Variants in BANP observed in about 807,000 individuals in gnomAD.
BANP encodes the protein BTG3 associated nuclear protein.
In BANP, 11 loss-of-function variants were observed where a neutral mutation model predicts 68.1. The observed-to-expected ratio is 0.16, with a 90% confidence interval of 0.10 to 0.27. The LOEUF (loss-of-function observed/expected upper bound fraction) is 0.27, where lower values mean the gene tolerates loss of function less well. Ranked by LOEUF, BANP falls within the 10% of genes least tolerant of loss-of-function variation. The probability of loss-of-function intolerance (pLI) is 1.00; values close to 1 mark genes in which losing one functional copy is unlikely to be tolerated. For missense variants in BANP, 504 were observed against 722.7 expected (o/e 0.70, Z 3.47); for synonymous variants, 329 against 303.2 (o/e 1.09, Z -0.88).
chr16:88,058,103 CGAGGAAT>C (rs1214296745), intron 11 of BANP, among the ~76,000 whole-genome samples: 8 of 150,858 alleles, frequency 5.3e-5, no homozygotes, highest in Non-Finnish European at 1.0e-4. Flanking sequence ...TGTGTATTTA[CGAGGAAT>C]CTTTCATCTA....
intron 11 of BANP, among the ~76,000 whole-genome samples, chr16:88,063,633 C>A (rs1273874302): frequency 6.6e-6 from 1 of 152,196 alleles, no homozygotes; most frequent in African/African-American, 2.4e-5. Flanking sequence ...GATCCGATCA[C>A]AGCTGTTCTT....
intron 11 of BANP, among the ~76,000 whole-genome samples, chr16:88,058,613 G>C (rs116348988): frequency 6.6e-6 from 1 of 152,148 alleles, no homozygotes; most frequent in South Asian, 2.1e-4. Flanking sequence ...CACCACCATC[G>C]TTCTTTCCAT....
chr16:88,049,660 C>T (rs748355978), intron 11 of BANP, among the ~76,000 whole-genome samples: 3 of 152,062 alleles, frequency 2.0e-5, no homozygotes, highest in Non-Finnish European at 4.4e-5. Flanking sequence ...GAGTTAGGGG[C>T]CAGGAACCAG....
At chr16:88,060,156 C>T (rs950658858) in intron 11 of BANP, among the ~76,000 whole-genome samples, 6 of 152,274 alleles carry the variant, frequency 3.9e-5, no homozygotes, top group African/African-American at 1.4e-4. Context: ...TAGCCACCAG[C>T]ACATAGCAAC....
intron 6 of BANP, among the ~76,000 whole-genome samples, chr16:88,011,071 G>A (rs2072969196): frequency 2.0e-5 from 3 of 152,340 alleles, no homozygotes; most frequent in South Asian, 4.1e-4. Flanking sequence ...CAAGGGAAGC[G>A]GGAGACAGCA....
chr16:88,066,741 T>A (rs1027476710), intron 12 of BANP, among the ~76,000 whole-genome samples: 2 of 152,224 alleles, frequency 1.3e-5, no homozygotes, highest in Admixed American at 6.5e-5. Context: ...AGTTTTTTTT[T>A]CCCCCAGAAA....
intron 11 of BANP, 30 bp from the exon 12 acceptor site, chr16:88,065,237 G>A (rs769835310): frequency 1.4e-6 from 1 of 714,292 alleles, no homozygotes; most frequent in Non-Finnish European, 2.6e-6. Flanking sequence ...GGAGGCTCCA[G>A]GGGAAAATTC....
intron 6 of BANP, among the ~76,000 whole-genome samples, chr16:88,015,335 G>A (rs542833342): frequency 2.9e-3 from 438 of 151,444 alleles, no homozygotes; most frequent in Non-Finnish European, 4.8e-3. Flanking sequence ...CCCTCTGCCC[G>A]TCCCTCTGCC....
At chr16:88,034,068 C>T (rs1012990420) in intron 9 of BANP, among the ~76,000 whole-genome samples, 3 of 152,134 alleles carry the variant, frequency 2.0e-5, no homozygotes, top group African/African-American at 7.2e-5. Context: ...CATGGTCCTC[C>T]ACTATTGAGA....
chr16:87,994,764 G>A (rs368779659), intron 4 of BANP, among the ~76,000 whole-genome samples: 8 of 152,026 alleles, frequency 5.3e-5, no homozygotes, highest in African/African-American at 1.7e-4. Context: ...GTGAGACCCC[G>A]TGTATAAAAA....
At chr16:88,053,386 A>C (rs2083854737) in intron 11 of BANP, among the ~76,000 whole-genome samples, 1 of 151,678 alleles carries the variant, frequency 6.6e-6, no homozygotes, top group Non-Finnish European at 1.5e-5. Context: ...CACCTCCTTC[A>C]CTATCATCAC....
chr16:88,036,973 C>T lies in BANP; in HGVS notation c.1273-1000C>T, dbSNP rs1310350182. ...CCAGCAGCACCTTCCAGTGCAGGAG[C>T]TGCCTTTGAGGGGCAGGGGAAGGTT... On this transcript the variant is annotated intron_variant, in intron 10 of 13. Coordinates refer to ENST00000682872, the MANE Select transcript of BANP (RefSeq NM_001386991.1). The surrounding 1 kb of genome is among the most constrained non-coding windows in gnomAD (Gnocchi z 4.2). Among the ~76,000 whole-genome samples the T allele has an allele frequency of 1.3e-5, 2 of 152,114 alleles. No individual in the cohort carries two copies. The highest frequency in any genetic ancestry group is 2.9e-5 in the Non-Finnish European group (2 of 68,016).
rs2091680698 is a variant in BANP at position 88,076,682 on chromosome 16, A to G, written c.*21A>G. On this transcript the variant is annotated 3_prime_UTR_variant, in exon 14 of 14. Coordinates refer to ENST00000682872, the MANE Select transcript of BANP (RefSeq NM_001386991.1). ...AGTGAGCGGTGCCCATGGCACCAGG[A>G]GCCCCTCGCCGGCTCCGCCTACGGC... 2.5e-6 allele frequency: 4 copies of G among 1,599,286 alleles called. No homozygotes were observed. The highest frequency in any genetic ancestry group is 3.4e-6 in the Non-Finnish European group (4 of 1,176,404).
At chr16:88,048,345 G>A (rs7403882) in intron 11 of BANP, among the ~76,000 whole-genome samples, 38,635 of 152,062 alleles carry the variant, frequency 0.25, 6,190 homozygotes, top group African/African-American at 0.45. Flanking sequence ...TAAATAAAGC[G>A]CAGACACGAT....
intron 1 of BANP, among the ~76,000 whole-genome samples, chr16:87,964,580 G>A (rs1290203643): frequency 7.3e-6 from 1 of 137,558 alleles, no homozygotes; most frequent in Non-Finnish European, 1.6e-5. Context: ...GCTGCAGAGG[G>A]CCCGTGAGAT....
chr16:87,952,199 C>T (rs147456902), intron 1 of BANP: 2 of 152,406 alleles, frequency 1.3e-5, no homozygotes, highest in South Asian at 2.1e-4. Flanking sequence ...AAGTAGATGA[C>T]ATTCCATCCA....
chr16:88,054,564 C>T (rs2084481529), intron 11 of BANP, among the ~76,000 whole-genome samples: 1 of 152,192 alleles, frequency 6.6e-6, no homozygotes, highest in African/African-American at 2.4e-5. Flanking sequence ...CCCCACCACT[C>T]CCAGTGCTAT....
intron 8 of BANP, among the ~76,000 whole-genome samples, chr16:88,029,392 G>T (rs1239898838): frequency 1.3e-5 from 2 of 150,680 alleles, no homozygotes; most frequent in Admixed American, 6.6e-5. Flanking sequence ...GGCAGATCAT[G>T]AGGTCAGGAG....
At chr16:87,988,420 C>T (rs901267490) in intron 4 of BANP, among the ~76,000 whole-genome samples, 14 of 152,022 alleles carry the variant, frequency 9.2e-5, no homozygotes, top group African/African-American at 2.4e-4. Flanking sequence ...CAGGCCACCA[C>T]GCCTGGCTAA....
Sources: gnomAD v4.1 joint callset for allele counts (sites outside exome capture counted in the v4.1 genomes callset) on GRCh38, gnomAD v4.1.1 for gene constraint, Gnocchi (gnomAD v3.1) non-coding constraint, MANE v1.5 for transcripts, NCBI Gene and HGNC (gene_info 2026-07-23, HGNC 2026-07-21) for gene names.